The following ELAPOR2 variants were observed in gnomAD, a reference collection of about 807,000 sequenced individuals.
ELAPOR2 encodes the protein endosome-lysosome associated apoptosis and autophagy regulator family member 2.
ELAPOR2 carries 89 observed loss-of-function variants against 120.7 expected under a neutral mutation model. That is an observed-to-expected ratio of 0.74 (90% CI 0.62 to 0.88). The LOEUF is 0.88. Among genes scored for constraint, ELAPOR2 ranks in the 40% least tolerant of loss-of-function variants. ELAPOR2 has a pLI of 0.00. For missense variants in ELAPOR2, 1,134 were observed against 1,251.6 expected (o/e 0.91, Z 1.42); for synonymous variants, 444 against 444.9 (o/e 1.00, Z 0.03).
chr7:86,926,710 A>G (rs1790081251), intron 9 of ELAPOR2, 26 bp downstream of exon 9: 5 of 1,574,878 alleles, frequency 3.2e-6, no homozygotes, highest in East Asian at 2.3e-5. Context: ...CTAAAGGCCC[A>G]GTTATTGGAC....
chr7:86,922,821 T>C (rs1206515016), intron 10 of ELAPOR2, among the ~76,000 whole-genome samples: 3 of 151,868 alleles, frequency 2.0e-5, no homozygotes, highest in Non-Finnish European at 4.4e-5. Flanking sequence ...ATATATTCAA[T>C]ATTTTTCTAA....
At chr7:86,986,128 T>C (rs2116576360) in intron 1 of ELAPOR2, among the ~76,000 whole-genome samples, 1 of 144,270 alleles carries the variant, frequency 6.9e-6, no homozygotes, top group African/African-American at 2.7e-5. Context: ...ATTGTCCCTG[T>C]TTGCAGATGG....
At chr7:87,005,586 T>C (rs1393841422) in intron 1 of ELAPOR2, among the ~76,000 whole-genome samples, 3 of 152,298 alleles carry the variant, frequency 2.0e-5, no homozygotes, top group Non-Finnish European at 4.4e-5. Flanking sequence ...ATCAAAGCCA[T>C]ATTTGTAATT....
intron 8 of ELAPOR2, among the ~76,000 whole-genome samples, chr7:86,931,626 A>G (rs541515718): frequency 6.5e-4 from 99 of 151,870 alleles, no homozygotes; most frequent in Admixed American, 1.5e-3. Context: ...AATTCAACAG[A>G]CGTTTCACTA....
intron 1 of ELAPOR2, chr7:86,965,778 A>G (rs761683069): frequency 1.7e-4 from 167 of 978,932 alleles, no homozygotes; most frequent in Non-Finnish European, 1.9e-4. Flanking sequence ...AGAAATTCCA[A>G]ATCTACCCCA....
intron 1 of ELAPOR2, among the ~76,000 whole-genome samples, chr7:86,977,858 A>G (rs1166225131): frequency 6.6e-6 from 1 of 152,232 alleles, no homozygotes; most frequent in Non-Finnish European, 1.5e-5. Context: ...GATACCCTTT[A>G]TCATATCAAG....
intron 18 of ELAPOR2, among the ~76,000 whole-genome samples, chr7:86,903,773 G>A (rs1239260480): frequency 1.3e-5 from 2 of 152,156 alleles, no homozygotes. Context: ...AACAATTTTA[G>A]GCTGATTTAT....
At chr7:87,021,174 C>T (rs1794028842) in intron 1 of ELAPOR2, among the ~76,000 whole-genome samples, 1 of 152,072 alleles carries the variant, frequency 6.6e-6, no homozygotes, top group South Asian at 2.1e-4. Context: ...TCAACCCTCT[C>T]AACTGCTTTA....
In ELAPOR2 at chr7:86,925,693, A is replaced by G. The variant is rs375625190; in HGVS notation, c.1271-37T>C. ...AAGTAGGGTCAACAATTAAAATTAA[A>G]CTGCATATGGACAACTTCTACTTTC... is the stretch of plus-strand genomic sequence containing the variant. On this transcript the variant is annotated intron_variant, in intron 9 of 21. Coordinates refer to ENST00000450689, the MANE Select transcript of ELAPOR2 (RefSeq NM_001142749.3). 3.8e-5 allele frequency: 60 copies of G among 1,597,208 alleles called. No homozygotes were observed. In the African/African-American group the frequency reaches 7.7e-4, roughly 20 times the overall value.
intron 1 of ELAPOR2, among the ~76,000 whole-genome samples, chr7:87,004,769 G>A (rs768478179): frequency 6.6e-5 from 10 of 152,090 alleles, no homozygotes; most frequent in Non-Finnish European, 1.0e-4. Context: ...ACATATTAAC[G>A]GAGAAGGAGG....
chr7:86,956,425 A>T (rs1791475339), intron 2 of ELAPOR2, among the ~76,000 whole-genome samples: 1 of 152,170 alleles, frequency 6.6e-6, no homozygotes, highest in Admixed American at 6.6e-5. Flanking sequence ...ATTTCTGAAA[A>T]CTAATTTCAC....
intron 2 of ELAPOR2, among the ~76,000 whole-genome samples, chr7:86,958,520 G>A (rs1791566807): frequency 6.6e-6 from 1 of 152,106 alleles, no homozygotes; most frequent in Non-Finnish European, 1.5e-5. Context: ...TCAAAGTCCA[G>A]AGTCCTTGGT....
intron 21 of ELAPOR2, among the ~76,000 whole-genome samples, chr7:86,887,902 C>T (rs1799767961): frequency 6.6e-6 from 1 of 152,010 alleles, no homozygotes; most frequent in Non-Finnish European, 1.5e-5. Context: ...GACAGACACA[C>T]ATATACACCA....
chr7:86,919,219 C>T lies in ELAPOR2; in HGVS notation c.1490+1G>A. On this transcript the variant is annotated splice_donor_variant, in intron 11 of 21. Transcript: ENST00000450689. LOFTEE classifies it high-confidence loss of function. ...AAAAGAATTAGAATTGTTTTCCTTA[C>T]TTAAATCCTGGGATATGCAAGTTTA... is the stretch of plus-strand genomic sequence containing the variant. The T allele has an allele frequency of 1.2e-6, 2 of 1,605,228 alleles. No individual in the cohort carries two copies. Among genetic ancestry groups the T allele is most frequent in the Non-Finnish European group, 1.7e-6 (2 of 1,172,984 alleles).
At chr7:87,043,174 C>A (rs1385967360) in intron 1 of ELAPOR2, among the ~76,000 whole-genome samples, 1 of 151,642 alleles carries the variant, frequency 6.6e-6, no homozygotes, top group Non-Finnish European at 1.5e-5. Flanking sequence ...CCGAATTCTA[C>A]CAGAGGTACA....
At chr7:86,918,854 C>T (rs1471999870) in intron 11 of ELAPOR2, among the ~76,000 whole-genome samples, 1 of 152,058 alleles carries the variant, frequency 6.6e-6, no homozygotes, top group Non-Finnish European at 1.5e-5. Flanking sequence ...TAAGAAATTT[C>T]TAACATACTA....
At chr7:86,904,744 T>C (rs552571263) in intron 18 of ELAPOR2, among the ~76,000 whole-genome samples, 1 of 152,274 alleles carries the variant, frequency 6.6e-6, no homozygotes, top group South Asian at 2.1e-4. Context: ...CACTTTCTAT[T>C]AAGACTTTCT....
chr7:86,887,619 T>G (rs758386197), intron 21 of ELAPOR2, among the ~76,000 whole-genome samples: 12 of 152,252 alleles, frequency 7.9e-5, no homozygotes, highest in African/African-American at 1.2e-4. Flanking sequence ...TCACAAAAGC[T>G]ACCCATAAAT....
intron 1 of ELAPOR2, among the ~76,000 whole-genome samples, chr7:86,993,241 A>AAAAAAAAAG (rs1793008245): frequency 6.7e-6 from 1 of 150,118 alleles, no homozygotes; most frequent in African/African-American, 2.4e-5. Flanking sequence ...TCTCAAAAAA[A>AAAAAAAAAG]AAAAAAAAAG....
Sources: allele counts gnomAD v4.1 joint callset (sites outside exome capture counted in the v4.1 genomes callset), GRCh38; gene constraint gnomAD v4.1.1; transcripts MANE v1.5; gene names NCBI Gene and HGNC (gene_info 2026-07-23, HGNC 2026-07-21).